The following COPZ1 variants were observed in gnomAD, a reference collection of about 807,000 sequenced individuals.
The protein encoded by COPZ1 is coat protein complex I subunit zeta 1.
In COPZ1, 4 loss-of-function variants were observed where a neutral mutation model predicts 31.7. That is an observed-to-expected ratio of 0.13 (90% CI 0.06 to 0.29). The LOEUF is 0.29. Among genes scored for constraint, COPZ1 ranks in the 10% least tolerant of loss-of-function variants. The probability of loss-of-function intolerance (pLI) is 1.00; values close to 1 mark genes in which losing one functional copy is unlikely to be tolerated. For synonymous variants in COPZ1, 74 were observed against 79.0 expected, an observed-to-expected ratio of 0.94 and a Z score of 0.33; for missense variants, 156 against 211.5, an observed-to-expected ratio of 0.74 and a Z score of 1.63.
chr12:54,333,044 A>G (rs1232981194), intron 1 of COPZ1, among the ~76,000 whole-genome samples: 1 of 151,858 alleles, frequency 6.6e-6, no homozygotes, highest in Non-Finnish European at 1.5e-5. Context: ...ATTTTTATTT[A>G]TATATATATT....
At chr12:54,330,024 C>T (rs1383418652) in intron 1 of COPZ1, among the ~76,000 whole-genome samples, 1 of 152,118 alleles carries the variant, frequency 6.6e-6, no homozygotes, top group African/African-American at 2.4e-5. Flanking sequence ...CCATCTCGTT[C>T]CTGGCAGTCC....
chr12:54,326,684 T>C (rs1953654512), intron 1 of COPZ1, among the ~76,000 whole-genome samples: 1 of 143,626 alleles, frequency 7.0e-6, no homozygotes, highest in East Asian at 2.0e-4. Context: ...TGTGTGTAGG[T>C]AGGTAGGTAG....
chr12:54,339,976 T>TGTGC (rs1324714633), intron 1 of COPZ1, among the ~76,000 whole-genome samples: 3 of 123,940 alleles, frequency 2.4e-5, no homozygotes, highest in African/African-American at 3.4e-5. Flanking sequence ...CTGGTGTGCC[T>TGTGC]GTGCGTGTGT....
chr12:54,347,712 A>G (rs1954087741), intron 5 of COPZ1, 55 bp from the exon 6 acceptor site: 1 of 1,520,280 alleles, frequency 6.6e-7, no homozygotes, highest in East Asian at 2.2e-5. Flanking sequence ...ACAAGGTCCT[A>G]GGATTTCTTT....
At chr12:54,328,485 G>A (rs1238672917) in intron 1 of COPZ1, among the ~76,000 whole-genome samples, 1 of 151,900 alleles carries the variant, frequency 6.6e-6, no homozygotes, top group Non-Finnish European at 1.5e-5. Context: ...AGAATCACTT[G>A]AACCTGGGAG....
Position 54,325,199 on chromosome 12 carries a change from A to C in COPZ1, c.18+18A>C. On this transcript the variant is annotated intron_variant, in intron 1 of 8. Coordinates refer to ENST00000262061, the MANE Select transcript of COPZ1 (RefSeq NM_016057.3). ...TGATTTTGGTAGGAGCTGGAGGGGC[A>C]GCAGAGATGCTGTGGTGTCCACAGG... is the stretch of plus-strand genomic sequence containing the variant. 1.1e-5 allele frequency: 17 copies of C among 1,556,992 alleles called. No individual in the cohort carries two copies. Among genetic ancestry groups the C allele is most frequent in the Non-Finnish European group, 1.3e-5 (15 of 1,150,896 alleles).
intron 1 of COPZ1, among the ~76,000 whole-genome samples, chr12:54,335,464 A>G (rs1953842979): frequency 6.7e-6 from 1 of 150,074 alleles, no homozygotes; most frequent in Admixed American, 6.7e-5. Context: ...GCTGGAGTGC[A>G]GTGGTGCGAT....
chr12:54,342,612 A>G (rs1358063489), intron 3 of COPZ1: 9 of 318,278 alleles, frequency 2.8e-5, no homozygotes, highest in Non-Finnish European at 5.3e-5. Context: ...ACCGCTCTGC[A>G]TTTTCACCTC....
At chr12:54,349,762 GA>G in intron 8 of COPZ1, 104 bp downstream of exon 8, 1 of 962,948 alleles carries the variant, frequency 1.0e-6, no homozygotes, top group Non-Finnish European at 1.7e-6. Context: ...AGAGACTCAA[GA>G]CACATCTTCC....
intron 6 of COPZ1, 66 bp from the exon 7 acceptor site, chr12:54,347,934 T>G: frequency 6.2e-7 from 1 of 1,605,318 alleles, no homozygotes; most frequent in East Asian, 2.2e-5. Flanking sequence ...CCAGAGGTCC[T>G]GTTCCCCGAC....
intron 3 of COPZ1, chr12:54,342,498 C>G: frequency 1.8e-6 from 1 of 564,822 alleles, no homozygotes; most frequent in Admixed American, 3.1e-5. Flanking sequence ...TGTTAGCTAC[C>G]TGTCTAGTCC....
chr12:54,346,005 A>G (rs1219115578), intron 5 of COPZ1, among the ~76,000 whole-genome samples: 2 of 151,368 alleles, frequency 1.3e-5, no homozygotes, highest in South Asian at 2.1e-4. Flanking sequence ...AATTCATGCT[A>G]CTGGGGAGGA....
At chr12:54,335,751 A>G (rs1024440988) in intron 1 of COPZ1, among the ~76,000 whole-genome samples, 1 of 151,850 alleles carries the variant, frequency 6.6e-6, no homozygotes, top group Non-Finnish European at 1.5e-5. Context: ...AGCTCACTAC[A>G]GCCTTGAACT....
intron 1 of COPZ1, among the ~76,000 whole-genome samples, chr12:54,336,480 T>G (rs1953866590): frequency 6.6e-6 from 1 of 150,726 alleles, no homozygotes; most frequent in Non-Finnish European, 1.5e-5. Flanking sequence ...GAGCTTGCAG[T>G]GAGCTGAGAT....
Position 54,345,521 on chromosome 12 carries a change from C to G in COPZ1, c.317+6C>G. 6.2e-7 allele frequency: 1 copy of G among 1,607,902 alleles called. No homozygotes were observed. The highest frequency in any genetic ancestry group is 2.2e-5 in the East Asian group (1 of 44,836). On this transcript the variant is annotated splice_donor_region_variant and intron_variant, in intron 5 of 8. Coordinates refer to ENST00000262061, the MANE Select transcript of COPZ1 (RefSeq NM_016057.3). ...TCATTGAGCCAGATGCTGAGGTGAG[C>G]AGGACATTCTTTTTTTTCCCCTCAA...
chr12:54,326,678 TGTAG>T (rs1555152206), intron 1 of COPZ1, among the ~76,000 whole-genome samples: 37 of 140,708 alleles, frequency 2.6e-4, no homozygotes, highest in East Asian at 2.2e-3. Flanking sequence ...TGTGTGTGTG[TGTAG>T]GTAGGTAGGT....
intron 1 of COPZ1, among the ~76,000 whole-genome samples, chr12:54,327,516 T>C (rs1397605895): frequency 6.6e-6 from 1 of 152,078 alleles, no homozygotes; most frequent in East Asian, 1.9e-4. Context: ...AGGCTGGTCT[T>C]GAACTCTTGA....
In COPZ1 at chr12:54,340,527, GT is replaced by G; in HGVS notation, c.19-19del. The G allele has an allele frequency of 2.5e-6, 4 of 1,613,670 alleles. No homozygotes were observed. The highest frequency in any genetic ancestry group is 3.4e-6 in the Non-Finnish European group (4 of 1,179,798). Reference sequence around the variant, plus strand: ...GTGATGGGAGGCTTCAGGACTGAAGGTATGTTCGTATCTCTTCAGGAACCTT... The same window carrying G: ...GTGATGGGAGGCTTCAGGACTGAAGGATGTTCGTATCTCTTCAGGAACCTT... On this transcript the variant is annotated intron_variant, in intron 1 of 8. Coordinates refer to ENST00000262061, the MANE Select transcript of COPZ1 (RefSeq NM_016057.3).
intron 1 of COPZ1, among the ~76,000 whole-genome samples, chr12:54,330,289 T>G (rs1477981238): frequency 6.6e-6 from 1 of 152,182 alleles, no homozygotes; most frequent in Non-Finnish European, 1.5e-5. Flanking sequence ...ACACTTCAAA[T>G]TAAATGATCA....
Sources: gnomAD v4.1 joint callset for allele counts (sites outside exome capture counted in the v4.1 genomes callset) on GRCh38, gnomAD v4.1.1 for gene constraint, MANE v1.5 for transcripts, NCBI Gene and HGNC (gene_info 2026-07-23, HGNC 2026-07-21) for gene names.